EPHX3: variants seen among roughly 807,000 people sequenced by gnomAD.
EPHX3 encodes abhydrolase domain containing 9.
A neutral mutation model predicts 40.2 loss-of-function variants in EPHX3; 39 were observed. The observed-to-expected ratio is 0.97, with a 90% confidence interval of 0.75 to 1.27. EPHX3 has a LOEUF of 1.27. Among genes scored for constraint, EPHX3 ranks in the 50% most tolerant of loss-of-function variants. EPHX3 has a pLI of 0.00. For missense variants in EPHX3, 442 were observed against 474.0 expected (o/e 0.93, Z 0.63); for synonymous variants, 213 against 209.7 (o/e 1.02, Z -0.14).
intron 4 of EPHX3, among the ~76,000 whole-genome samples, chr19:15,229,254 T>A (rs923611555): frequency 6.6e-6 from 1 of 151,866 alleles, no homozygotes; most frequent in Non-Finnish European, 1.5e-5. Flanking sequence ...TTGGGGCATA[T>A]CTGCAGTCCC....
In EPHX3 at chr19:15,227,753, C is replaced by T; in HGVS notation, c.857+18G>A. The T allele has an allele frequency of 1.2e-6, 2 of 1,612,564 alleles. No individual in the cohort carries two copies. Among genetic ancestry groups the T allele is most frequent in the Non-Finnish European group, 1.7e-6 (2 of 1,179,082 alleles). ...CCCCTGCAAATCTCCTGAGCTTATG[C>T]TTGGCAACTGGTCTCACCTGAAGAG... On this transcript the variant is annotated intron_variant, in intron 6 of 6. Transcript: ENST00000221730.
chr19:15,230,769 A>T (rs1189012839), intron 4 of EPHX3, among the ~76,000 whole-genome samples, 193 bp downstream of exon 4: 1 of 151,668 alleles, frequency 6.6e-6, no homozygotes, highest in Non-Finnish European at 1.5e-5. Flanking sequence ...CTGGGATTAC[A>T]GGTGTGAGCC....
In EPHX3 at chr19:15,231,829, A is replaced by G. The variant is rs762726623; in HGVS notation, c.276T>C (p.Ala92=). The G allele has an allele frequency of 1.2e-6, 2 of 1,613,908 alleles. No individual in the cohort carries two copies. Among genetic ancestry groups the G allele is most frequent in the Non-Finnish European group, 1.7e-6 (2 of 1,180,012 alleles). ...SSGLRLHYVS[A]GRGNGPLMLF... is the part of the protein sequence containing the mutation. ...GCATGAGGGGTCCGTTACCTCGTCC[A>G]GCCGAGACATAGTGCAGACGCAGGC... Residue 92 remains alanine (A), a synonymous_variant, in exon 2 of 7, where the codon GCT becomes GCC. Coordinates refer to ENST00000221730, the MANE Select transcript of EPHX3 (RefSeq NM_024794.3).
chr19:15,233,853 A>G (rs1170997369), upstream of EPHX3, among the ~76,000 whole-genome samples: 1 of 152,130 alleles, frequency 6.6e-6, no homozygotes, highest in African/African-American at 2.4e-5. Flanking sequence ...TCACGAGGTC[A>G]GGAGATCGAG....
chr19:15,228,555 G>T (rs929593284), intron 4 of EPHX3, among the ~76,000 whole-genome samples: 1 of 108,314 alleles, frequency 9.2e-6, no homozygotes, highest in African/African-American at 3.6e-5. Context: ...GTCTCGCTCT[G>T]TCGCCCAGGC....
chr19:15,234,998 TTTTTTG>T (rs1248848148), upstream of EPHX3, among the ~76,000 whole-genome samples: 2 of 152,028 alleles, frequency 1.3e-5, no homozygotes, highest in Non-Finnish European at 2.9e-5. Flanking sequence ...CTTTGGGGGT[TTTTTTG>T]TTTTTGTTTT....
At chr19:15,227,750 A>C in intron 6 of EPHX3, 21 bp downstream of exon 6, 1 of 1,612,298 alleles carries the variant, frequency 6.2e-7, no homozygotes, top group Non-Finnish European at 8.5e-7. Context: ...TCCTGAGCTT[A>C]TGCTTGGCAA....
upstream of EPHX3, chr19:15,235,571 A>C (rs983434832): frequency 6.6e-6 from 1 of 152,132 alleles, no homozygotes; most frequent in Non-Finnish European, 1.5e-5. Context: ...CTGCACAAAA[A>C]AAAAAAAAAA....
rs370283350 is a variant in EPHX3, at chr19:15,227,720, C to G, written c.857+51G>C. On this transcript the variant is annotated intron_variant, in intron 6 of 6. Coordinates refer to ENST00000221730, the MANE Select transcript of EPHX3 (RefSeq NM_024794.3). ...CAGGCAGAAGGATGGTTGCCTCCCA[C>G]CCCCCTGCCCCTGCAAATCTCCTGA... is the stretch of plus-strand genomic sequence containing the variant. 9.3e-6 allele frequency: 15 copies of G among 1,606,552 alleles called. No homozygotes were observed. The African/African-American group carries it at 1.7e-4, about 19-fold the overall frequency.
At chr19:15,231,430 G>C in intron 2 of EPHX3, 34 bp from the exon 3 acceptor site, 2 of 1,607,034 alleles carry the variant, frequency 1.2e-6, no homozygotes, top group Non-Finnish European at 1.7e-6. Flanking sequence ...GGCTGAGTCA[G>C]GGCCCTCAGG....
rs779441163 is a variant in EPHX3, at chr19:15,232,034, G to T, written c.178C>A (p.Arg60=). ...RPRRGCCGRR[R]SASPACLSDP... ...CTCAGGCAGGCGGGGGACGCGCTCC[G>T]ACGGCGCCCGCAGCAGCCGCGCCGG... The change falls in exon 1 of 7, where the codon CGG becomes AGG. Residue 60 remains arginine (R), a synonymous_variant. Transcript: ENST00000221730. 1 of 1,587,672 alleles carries T rather than the reference G, an allele frequency of 6.3e-7. No individual in the cohort carries two copies. Among genetic ancestry groups the T allele is most frequent in the South Asian group, 1.1e-5 (1 of 89,730 alleles).
chr19:15,229,392 G>A (rs1180038145), intron 4 of EPHX3, among the ~76,000 whole-genome samples: 2 of 152,002 alleles, frequency 1.3e-5, no homozygotes, highest in South Asian at 2.1e-4. Flanking sequence ...TTGAGCCCAG[G>A]AGTTCAAGAC....
upstream of EPHX3, chr19:15,236,021 G>A (rs1175062530): frequency 6.6e-6 from 1 of 152,276 alleles, no homozygotes; most frequent in Admixed American, 6.5e-5. Flanking sequence ...AAGTGGCACA[G>A]TGGTATATGA....
chr19:15,229,907 A>AAAAAAAAAAAAAAAAC (rs1203339827), intron 4 of EPHX3, among the ~76,000 whole-genome samples: 1 of 140,184 alleles, frequency 7.1e-6, no homozygotes. Context: ...AAAAAAAAAA[A>AAAAAAAAAAAAAAAAC]AAAAGAAAAG....
At chr19:15,228,244 A>C (rs1599418474) in intron 4 of EPHX3, 144 bp from the exon 5 acceptor site, 1 of 652,328 alleles carries the variant, frequency 1.5e-6, no homozygotes. Context: ...GGTACTAGAT[A>C]CCCCTCCTGG....
In EPHX3 at chr19:15,227,762, T is replaced by G. The variant is rs765932994; in HGVS notation, c.857+9A>C. ...ATCTCCTGAGCTTATGCTTGGCAAC[T>G]GGTCTCACCTGAAGAGGTTTCGGTA... On this transcript the variant is annotated intron_variant, in intron 6 of 6. Coordinates refer to ENST00000221730, the MANE Select transcript of EPHX3 (RefSeq NM_024794.3). The G allele has an allele frequency of 6.2e-7, 1 of 1,611,452 alleles. No individual in the cohort carries two copies. The highest frequency in any genetic ancestry group is 8.5e-7 in the Non-Finnish European group (1 of 1,178,388).
chr19:15,233,985 A>G (rs2047173238), upstream of EPHX3, among the ~76,000 whole-genome samples: 2 of 151,234 alleles, frequency 1.3e-5, no homozygotes, highest in Non-Finnish European at 2.9e-5. Context: ...GCGTGAACCC[A>G]GGAGGCGGAG....
rs767748744 is a variant in EPHX3, at chr19:15,228,008, A to G, written c.709T>C (p.Ser237Pro). Residue 237 changes from serine to proline, a missense_variant, in exon 5 of 7, where the codon TCT becomes CCT. Ser to Pro is a moderately conservative substitution (Grantham distance 74). Transcript: ENST00000221730. ...TGCACCCTCTGTACCTGAAAGTCAG[A>G]CATAGACAGCAGCTTCTCGGGCAGC... ...PWLPEKLLSM[S>P]DFQILKTTLT... 11 of 1,613,888 alleles carry G rather than the reference A, an allele frequency of 6.8e-6. 1 individual carries two copies. The highest frequency in any genetic ancestry group is 1.6e-4 in the Middle Eastern group (1 of 6,062).
chr19:15,234,253 A>T (rs1231971916), upstream of EPHX3, among the ~76,000 whole-genome samples: 1 of 152,156 alleles, frequency 6.6e-6, no homozygotes, highest in Non-Finnish European at 1.5e-5. Context: ...GAAGACATAC[A>T]TCTTGTAAAA....
Sources: allele counts gnomAD v4.1 joint callset (sites outside exome capture counted in the v4.1 genomes callset), GRCh38; gene constraint gnomAD v4.1.1; transcripts MANE v1.5; gene names NCBI Gene and HGNC (gene_info 2026-07-23, HGNC 2026-07-21).